Variants in IL18BP observed in about 807,000 individuals in gnomAD.
IL18BP encodes the protein interleukin 18 binding protein.
In IL18BP, 23 loss-of-function variants were observed where a neutral mutation model predicts 19.9. The observed-to-expected ratio is 1.15, with a 90% confidence interval of 0.83 to 1.64. IL18BP has a LOEUF of 1.64. Ranked by LOEUF, IL18BP falls within the 40% of genes most tolerant of loss-of-function variation. The probability of loss-of-function intolerance (pLI) is 0.00; values close to 1 mark genes in which losing one functional copy is unlikely to be tolerated. For synonymous variants in IL18BP, 107 were observed against 101.0 expected (o/e 1.06, Z -0.35); for missense variants, 239 against 240.7 (o/e 0.99, Z 0.05).
chr11:72,003,912 C>T (rs770334380), downstream of IL18BP: 1 of 1,613,508 alleles, frequency 6.2e-7, no homozygotes, highest in Non-Finnish European at 8.5e-7. Flanking sequence ...AGGGGTGGCA[C>T]CAATGGCGGC....
chr11:72,005,175 G>C, downstream of IL18BP: 1 of 1,506,722 alleles, frequency 6.6e-7, no homozygotes, highest in Non-Finnish European at 8.9e-7. Context: ...AGATCAGCAG[G>C]TGGGATTCCA....
downstream of IL18BP, chr11:72,004,595 C>T: frequency 6.3e-7 from 1 of 1,587,338 alleles, no homozygotes; most frequent in Non-Finnish European, 8.6e-7. Flanking sequence ...CTGGGCCTGA[C>T]CTGAGCACAG....
At chr11:72,005,133 A>G (rs1240771866), downstream of IL18BP, 2 of 1,313,584 alleles carry the variant, frequency 1.5e-6, no homozygotes, top group African/African-American at 3.0e-5. Context: ...CTCCTCGGCC[A>G]GTCAGTGATC....
chr11:72,004,852 C>T (rs1161483309), downstream of IL18BP: 3 of 1,524,722 alleles, frequency 2.0e-6, no homozygotes, highest in African/African-American at 2.8e-5. Context: ...TGGACCATAG[C>T]TGTATGGAGA....
intron 5 of IL18BP, 68 bp downstream of exon 5, chr11:72,001,620 G>A (rs1955247627): frequency 1.3e-6 from 2 of 1,589,230 alleles, no homozygotes; most frequent in Non-Finnish European, 1.7e-6. Flanking sequence ...GGAGGAAAGG[G>A]TGGGCTCTGC....
chr11:72,007,690 A>G (rs928953295), downstream of IL18BP: 22 of 536,652 alleles, frequency 4.1e-5, no homozygotes, highest in Admixed American at 6.6e-4. Context: ...CCAGATGCCC[A>G]TGGCTGCTTC....
At chr11:72,003,511 C>G (rs192702783), downstream of IL18BP, 1,125 of 1,613,014 alleles carry the variant, frequency 7.0e-4, 6 homozygotes, top group African/African-American at 0.014. Flanking sequence ...TGGGGCCACT[C>G]ACTGGTACTG....
Position 72,001,850 on chromosome 11 carries a change from C to T in IL18BP, c.574C>T (p.Gln192Ter), listed in dbSNP as rs746016564. Residue 192 changes from glutamine (Q) to a stop codon, truncating the protein, a stop_gained, in exon 6 of 6, where the codon CAG (glutamine) becomes TAG (stop). Coordinates refer to ENST00000393703, the MANE Select transcript of IL18BP (RefSeq NM_001039660.2). LOFTEE classifies it high-confidence loss of function. ...ALPSSHSSPQ[Q>*]QG ...GCCCTCCAGCCACAGCAGTCCACAG[C>T]AGCAGGGTTAAGACTCAGCACAGGG... The T allele has an allele frequency of 1.2e-5, 19 of 1,614,048 alleles. No individual in the cohort carries two copies. Among genetic ancestry groups the T allele is most frequent in the Non-Finnish European group, 1.5e-5 (18 of 1,180,016 alleles).
At chr11:72,004,020 GC>G, downstream of IL18BP, 1 of 1,613,380 alleles carries the variant, frequency 6.2e-7, no homozygotes, top group Non-Finnish European at 8.5e-7. Flanking sequence ...CTTCTTTGAG[GC>G]TCCCCGCCGC....
chr11:72,005,481 G>A (rs1955623855), downstream of IL18BP: 2 of 998,920 alleles, frequency 2.0e-6, no homozygotes. Context: ...TTGAAGCCCA[G>A]CACACCAGTC....
downstream of IL18BP, chr11:72,003,791 G>A (rs1426224965): frequency 7.6e-7 from 1 of 1,307,322 alleles, no homozygotes; most frequent in East Asian, 2.5e-5. Context: ...CCAGCAGCCT[G>A]GCGTGGCCCC....
In IL18BP at chr11:72,001,884, A is replaced by C; in HGVS notation, c.*23A>C. The C allele has an allele frequency of 6.2e-7, 1 of 1,614,056 alleles. No individual in the cohort carries two copies. The highest frequency in any genetic ancestry group is 8.5e-7 in the Non-Finnish European group (1 of 1,179,946). On this transcript the variant is annotated 3_prime_UTR_variant, in exon 6 of 6. Coordinates refer to ENST00000393703, the MANE Select transcript of IL18BP (RefSeq NM_001039660.2). ...TAAGACTCAGCACAGGGCCAGCAGC[A>C]GCACAACCTTGACCAGAGCTTGGGT... is the stretch of plus-strand genomic sequence containing the variant.
At chr11:72,005,262 G>A, downstream of IL18BP, 2 of 1,607,110 alleles carry the variant, frequency 1.2e-6, no homozygotes, top group Non-Finnish European at 1.7e-6. Context: ...CAGGTCTTCA[G>A]ATGTGGGGGG....
At chr11:72,005,591 C>G (rs991987004), downstream of IL18BP, 3 of 551,118 alleles carry the variant, frequency 5.4e-6, no homozygotes, top group East Asian at 9.6e-5. Context: ...AGAGGTCACA[C>G]GCAGAGACTG....
At chr11:72,006,046 C>T, downstream of IL18BP, 2 of 1,612,178 alleles carry the variant, frequency 1.2e-6, no homozygotes, top group Non-Finnish European at 1.7e-6. Context: ...TGGAGGGGCC[C>T]CACTGGACAC....
At chr11:72,005,972 C>T (rs1243892594), downstream of IL18BP, 3 of 1,346,312 alleles carry the variant, frequency 2.2e-6, no homozygotes, top group Admixed American at 4.1e-5. Context: ...CCTCTTTTCC[C>T]TGTGCCACGA....
chr11:72,000,594 C>T (rs1293948366), intron 3 of IL18BP, 37 bp downstream of exon 3: 6 of 1,566,422 alleles, frequency 3.8e-6, no homozygotes, highest in Non-Finnish European at 5.2e-6. Context: ...GCTATGGGCA[C>T]AGAGGTTCCC....
chr11:72,004,553 G>T, downstream of IL18BP: 2 of 1,393,130 alleles, frequency 1.4e-6, no homozygotes, highest in Admixed American at 2.0e-5. Context: ...GTGAGGGAAG[G>T]AGAGAGAAGG....
At chr11:72,007,333 G>C (rs1391350344), downstream of IL18BP, 2 of 1,613,664 alleles carry the variant, frequency 1.2e-6, no homozygotes, top group Non-Finnish European at 8.5e-7. Flanking sequence ...GAGTGAAGTA[G>C]AGACTCTCCA....
Sources: allele counts gnomAD v4.1 joint callset, GRCh38; gene constraint gnomAD v4.1.1; transcripts MANE v1.5; gene names NCBI Gene and HGNC (gene_info 2026-07-23, HGNC 2026-07-21).